The following EXOG variants were observed in gnomAD, a reference collection of about 807,000 sequenced individuals.
The protein encoded by EXOG is nuclease EXOG, mitochondrial.
In EXOG, 27 loss-of-function variants were observed where a neutral mutation model predicts 25.8. The observed-to-expected ratio is 1.05, with a 90% CI of 0.77 to 1.45. The LOEUF is 1.45. EXOG is among the 40% of genes most tolerant of loss of function. The pLI, the probability that EXOG is intolerant of heterozygous loss-of-function variation, is 0.00. For synonymous variants in EXOG, 133 were observed against 167.0 expected, an observed-to-expected ratio of 0.80 and a Z score of 1.57; for missense variants, 458 against 450.5, an observed-to-expected ratio of 1.02 and a Z score of -0.15.
intron 3 of EXOG, among the ~76,000 whole-genome samples, chr3:38,503,366 C>T (rs973531500): frequency 5.3e-5 from 8 of 152,116 alleles, no homozygotes; most frequent in Admixed American, 3.9e-4. Flanking sequence ...TTAGAATTCA[C>T]GTTATAGGTT....
Position 38,496,401 on chromosome 3 carries a change from G to C in EXOG, c.34G>C (p.Gly12Arg), listed in dbSNP as rs1344802518. Residue 12 changes from glycine to arginine, a missense_variant, in exon 1 of 6, where the codon GGT (glycine) becomes CGT (arginine). Physicochemically the swap from Gly to Arg is moderately radical, Grantham distance 125. This residue lies in a region of EXOG where 275 missense variants were observed against 230.5 expected (regional missense o/e 1.19). Coordinates refer to ENST00000287675, the MANE Select transcript of EXOG (RefSeq NM_005107.4). ...AIKSIASRLR[G>R]SRRFLSGFVA... ...CAAGAGTATCGCTTCCCGCCTCCGG[G>C]GTTCCCGTCGTTTTCTGAGCGGCTT... 6.2e-7 allele frequency: 1 copy of C among 1,614,052 alleles called. No individual in the cohort carries two copies. The highest frequency in any genetic ancestry group is 8.5e-7 in the Non-Finnish European group (1 of 1,179,942).
intron 5 of EXOG, chr3:38,515,480 G>T: frequency 6.1e-6 from 1 of 165,268 alleles, no homozygotes. Context: ...TTGCCAGTCT[G>T]CCAGGGCTCC....
At position 38,497,733 on chromosome 3, in the gene EXOG, G is replaced by A. The variant is rs1412818124; in HGVS notation, c.268G>A (p.Val90Met). 3.1e-6 allele frequency: 5 copies of A among 1,606,066 alleles called. No individual in the cohort carries two copies. The African/African-American group carries it at 4.0e-5, about 13-fold the overall frequency. The change falls in exon 2 of 6, where the codon GTG becomes ATG. Residue 90 changes from valine to methionine, a missense_variant. Physicochemically the swap from Val to Met is conservative, Grantham distance 21. Coordinates refer to ENST00000287675, the MANE Select transcript of EXOG (RefSeq NM_005107.4). ...HALSYDQAKR[V>M]PRWVLEHISK... ...TTTGTCTTATGATCAGGCAAAGCGG[G>A]TGCCTAGATGGGTTCTTGAACATAT...
chr3:38,523,928 C>A lies in EXOG; in HGVS notation c.673C>A (p.Pro225Thr). The change falls in exon 6 of 6, where the codon CCC (proline) becomes ACC (threonine). Residue 225 changes from proline to threonine, a missense_variant. Around this residue, in one of 3 missense-constraint regions of EXOG, gnomAD observed 178 missense variants for 203.7 expected, o/e 0.87. Transcript: ENST00000287675. ...QVIGEDNVAVPSHLYKVILAR... is the reference protein window; with the variant it reads ...QVIGEDNVAVTSHLYKVILAR... ...GATTGGCGAGGACAACGTGGCAGTC[C>A]CCTCACACCTTTATAAGGTAATCCT... The A allele has an allele frequency of 6.4e-7, 1 of 1,556,164 alleles. No homozygotes were observed. The highest frequency in any genetic ancestry group is 8.7e-7 in the Non-Finnish European group (1 of 1,151,078).
chr3:38,513,534 A>G (rs977916939), intron 5 of EXOG, among the ~76,000 whole-genome samples: 2 of 141,950 alleles, frequency 1.4e-5, no homozygotes, highest in African/African-American at 2.7e-5. Flanking sequence ...GTGGCAGTGT[A>G]TTATAATTGC....
At chr3:38,521,443 CT>C (rs146103674) in intron 5 of EXOG, among the ~76,000 whole-genome samples, 9,341 of 152,272 alleles carry the variant, frequency 0.061, 309 homozygotes, top group Middle Eastern at 0.15. Context: ...TTTTACGAGC[CT>C]GATTAGCTCT....
At position 38,496,374 on chromosome 3, in the gene EXOG, A is replaced by G. The variant is rs916982789; in HGVS notation, c.7A>G (p.Ile3Val). MA[I>V]KSIASRLRGS... Reference sequence around the variant, plus strand: ...GGCCGGTACCTCGGGCAAGATGGCTATCAAGAGTATCGCTTCCCGCCTCCG... The same window carrying G: ...GGCCGGTACCTCGGGCAAGATGGCTGTCAAGAGTATCGCTTCCCGCCTCCG... Residue 3 changes from isoleucine (I) to valine (V), a missense_variant, in exon 1 of 6, where the codon ATC (isoleucine) becomes GTC (valine). Coordinates refer to ENST00000287675, the MANE Select transcript of EXOG (RefSeq NM_005107.4). 3.1e-6 allele frequency: 5 copies of G among 1,613,468 alleles called. No individual in the cohort carries two copies. Among genetic ancestry groups the G allele is most frequent in the Non-Finnish European group, 2.5e-6 (3 of 1,179,688 alleles).
At chr3:38,502,203 G>T (rs981110768) in intron 3 of EXOG, among the ~76,000 whole-genome samples, 3 of 151,984 alleles carry the variant, frequency 2.0e-5, no homozygotes, top group Non-Finnish European at 4.4e-5. Flanking sequence ...TTACAGGCGT[G>T]AGCCACTGTG....
chr3:38,524,649 G>A lies in EXOG; in HGVS notation c.*287G>A, dbSNP rs191017784. Reference sequence around the variant, plus strand: ...AGTGGCTTTGCTTTAAAGAAACAGTGGAATCCTAAATTTATGACTAAAAAT... The same window carrying A: ...AGTGGCTTTGCTTTAAAGAAACAGTAGAATCCTAAATTTATGACTAAAAAT... On this transcript the variant is annotated 3_prime_UTR_variant, in exon 6 of 6. Transcript: ENST00000287675. The A allele has an allele frequency of 3.7e-6, 4 of 1,078,274 alleles. No individual in the cohort carries two copies. In the East Asian group the frequency reaches 2.4e-4, roughly 65 times the overall value. The allele number at this position is 1,078,274 out of a possible 1,614,324, so 66.8% of individuals were successfully genotyped here. A position where few individuals can be genotyped will look rare whatever the true frequency, so the allele number is the denominator to read the frequency against.
chr3:38,507,371 C>A (rs2060233179), intron 5 of EXOG, among the ~76,000 whole-genome samples: 2 of 152,130 alleles, frequency 1.3e-5, no homozygotes, highest in Admixed American at 6.6e-5. Flanking sequence ...CAGGAGTGGA[C>A]CCTGAGGATT....
At chr3:38,520,047 C>G (rs1198872121) in intron 5 of EXOG, among the ~76,000 whole-genome samples, 1 of 152,120 alleles carries the variant, frequency 6.6e-6, no homozygotes, top group East Asian at 1.9e-4. Context: ...GGAATGTAAC[C>G]AAATATATCT....
intron 2 of EXOG, chr3:38,499,535 A>G (rs754764850): frequency 1.6e-5 from 6 of 379,708 alleles, no homozygotes; most frequent in South Asian, 1.2e-4. Flanking sequence ...ATTTTAATGT[A>G]AAAGGTCTTC....
rs2059936358 is a variant in EXOG at position 38,497,716 on chromosome 3, A to G, written c.251A>G (p.Tyr84Cys). 4 of 1,609,164 alleles carry G rather than the reference A, an allele frequency of 2.5e-6. No individual in the cohort carries two copies. The highest frequency in any genetic ancestry group is 1.3e-5 in the African/African-American group (1 of 74,386). Residue 84 changes from tyrosine to cysteine, a missense_variant, in exon 2 of 6, where the codon TAT becomes TGT. By Grantham distance (194) the Tyr-to-Cys change is radical. Coordinates refer to ENST00000287675, the MANE Select transcript of EXOG (RefSeq NM_005107.4). ...ARCYTNHALSYDQAKRVPRWV... is the reference protein window; with the variant it reads ...ARCYTNHALSCDQAKRVPRWV... ...TGTTACACTAATCACGCTTTGTCTT[A>G]TGATCAGGCAAAGCGGGTGCCTAGA...
intron 5 of EXOG, among the ~76,000 whole-genome samples, chr3:38,510,842 G>A (rs2060346887): frequency 6.6e-6 from 1 of 152,122 alleles, no homozygotes; most frequent in East Asian, 1.9e-4. Flanking sequence ...GATCAGTCAT[G>A]TGAGGTCAGT....
In EXOG at chr3:38,524,390, C is replaced by G; in HGVS notation, c.*28C>G. On this transcript the variant is annotated 3_prime_UTR_variant, in exon 6 of 6. Coordinates refer to ENST00000287675, the MANE Select transcript of EXOG (RefSeq NM_005107.4). ...TTTATCTCAAGATGTGTCATACCGT[C>G]TGTAATGAAGCAGGCATGCCCTCTT... The G allele has an allele frequency of 6.4e-7, 1 of 1,562,868 alleles. No homozygotes were observed. Among genetic ancestry groups the G allele is most frequent in the South Asian group, 1.2e-5 (1 of 81,336 alleles).
chr3:38,503,697 G>T lies in EXOG; in HGVS notation c.530+6G>T, dbSNP rs1261824217. On this transcript the variant is annotated splice_donor_region_variant and intron_variant, in intron 4 of 5. Transcript: ENST00000287675. ...AATTCTGGATATTGGAACAGGTGAG[G>T]GATGAGAGTTTTAAAAACATGATTC... The T allele has an allele frequency of 2.0e-6, 3 of 1,515,416 alleles. No homozygotes were observed. The highest frequency in any genetic ancestry group is 2.7e-6 in the Non-Finnish European group (3 of 1,091,884). 93.9% of individuals were successfully genotyped at this position (1,515,416 alleles called of 1,614,324 possible).
Position 38,501,894 on chromosome 3 carries a change from C to T in EXOG, c.453+400C>T, listed in dbSNP as rs533336304. 3.7e-4 allele frequency among the ~76,000 whole-genome samples: 56 copies of T among 152,110 alleles called. No homozygotes were observed. In the South Asian group the frequency reaches 0.011, roughly 30 times the overall value. ...TTGAGTGGCTGGGATTACAGGGGTG[C>T]GTCACCATGCTCAGCTAATTTTTGT... On this transcript the variant is annotated intron_variant, in intron 3 of 5. Transcript: ENST00000287675.
At chr3:38,500,675 A>G (rs1433183800) in intron 2 of EXOG, among the ~76,000 whole-genome samples, 2 of 152,192 alleles carry the variant, frequency 1.3e-5, no homozygotes, top group African/African-American at 2.4e-5. Context: ...TCACCTCACG[A>G]TAGTGCAATA....
chr3:38,501,322 G>C, intron 2 of EXOG, 33 bp from the exon 3 acceptor site: 1 of 1,603,486 alleles, frequency 6.2e-7, no homozygotes, highest in East Asian at 2.2e-5. Context: ...TTTGTCTACT[G>C]ATAACATATC....
Sources: gnomAD v4.1 joint callset for allele counts (sites outside exome capture counted in the v4.1 genomes callset) on GRCh38, gnomAD v4.1.1 for gene constraint, gnomAD v4.1.1 regional missense constraint, MANE v1.5 for transcripts, NCBI Gene and HGNC (gene_info 2026-07-23, HGNC 2026-07-21) for gene names.